Variants in GRIK4 observed in about 807,000 individuals in gnomAD.
GRIK4 encodes the protein glutamate receptor ionotropic, kainate 4.
In GRIK4, 40 loss-of-function variants were observed where a neutral mutation model predicts 104.9. That is an observed-to-expected ratio of 0.38 (90% CI 0.30 to 0.50). The LOEUF is 0.50. Among genes scored for constraint, GRIK4 ranks in the 20% least tolerant of loss-of-function variants. GRIK4 has a pLI of 0.93. For synonymous variants in GRIK4, 485 were observed against 524.9 expected (o/e 0.92, Z 1.04); for missense variants, 1,047 against 1,308.1 (o/e 0.80, Z 3.08).
chr11:120,674,115 G>A (rs1485420040), intron 3 of GRIK4, among the ~76,000 whole-genome samples: 1 of 152,150 alleles, frequency 6.6e-6, no homozygotes, highest in African/African-American at 2.4e-5. Context: ...TGCACCATTA[G>A]TGCCTTTGAT....
intron 1 of GRIK4, among the ~76,000 whole-genome samples, chr11:120,652,039 A>G (rs1178862401): frequency 1.3e-5 from 2 of 152,162 alleles, no homozygotes; most frequent in African/African-American, 4.8e-5. Context: ...TTCCCCGCTG[A>G]GTGACCTTGG....
intron 14 of GRIK4, among the ~76,000 whole-genome samples, chr11:120,941,316 C>A (rs10892648): frequency 0.22 from 34,189 of 152,012 alleles, 4,168 homozygotes; most frequent in East Asian, 0.36. Flanking sequence ...GCCTGTACCT[C>A]GAGGCTGCCC....
intron 3 of GRIK4, among the ~76,000 whole-genome samples, chr11:120,728,233 ATATGT>A (rs1272168360): frequency 6.6e-6 from 1 of 152,190 alleles, no homozygotes; most frequent in African/African-American, 2.4e-5. Flanking sequence ...TTCTACAGTC[ATATGT>A]TATGAGAGAA....
At chr11:120,603,615 C>T (rs1948916187) in intron 1 of GRIK4, among the ~76,000 whole-genome samples, 1 of 152,150 alleles carries the variant, frequency 6.6e-6, no homozygotes, top group Non-Finnish European at 1.5e-5. Context: ...GGAAGATGTC[C>T]CTGACCCCAT....
intron 1 of GRIK4, among the ~76,000 whole-genome samples, chr11:120,629,417 T>C (rs1949304634): frequency 6.6e-6 from 1 of 152,114 alleles, no homozygotes; most frequent in Admixed American, 6.5e-5. Context: ...TACACGCATA[T>C]TCAGAACACA....
chr11:120,609,193 C>T (rs1949000795), intron 1 of GRIK4, among the ~76,000 whole-genome samples: 1 of 151,966 alleles, frequency 6.6e-6, no homozygotes, highest in South Asian at 2.1e-4. Flanking sequence ...TCTCTCTTTC[C>T]CCCAGCCCCT....
intron 9 of GRIK4, among the ~76,000 whole-genome samples, chr11:120,866,731 G>C (rs1177468769): frequency 1.3e-5 from 2 of 152,174 alleles, no homozygotes; most frequent in South Asian, 2.1e-4. Context: ...GACTGCAGCT[G>C]GTCCTTGTGC....
At chr11:120,706,434 G>A (rs1222296679) in intron 3 of GRIK4, among the ~76,000 whole-genome samples, 4 of 152,202 alleles carry the variant, frequency 2.6e-5, no homozygotes, top group Non-Finnish European at 5.9e-5. Context: ...TGCACGTGTG[G>A]ATGTGGCATG....
chr11:120,536,746 G>A (rs941293052), intron 1 of GRIK4, among the ~76,000 whole-genome samples: 3 of 152,222 alleles, frequency 2.0e-5, no homozygotes, highest in African/African-American at 7.2e-5. Flanking sequence ...TGAGTGGGGA[G>A]TGATCAATAG....
chr11:120,983,529 C>T (rs560731783), intron 20 of GRIK4, among the ~76,000 whole-genome samples: 3 of 152,332 alleles, frequency 2.0e-5, no homozygotes, highest in African/African-American at 7.2e-5. Flanking sequence ...TCCCTCTTCC[C>T]TTGCCTTGCG....
intron 8 of GRIK4, among the ~76,000 whole-genome samples, chr11:120,840,809 G>A (rs547278399): frequency 2.0e-5 from 3 of 152,074 alleles, no homozygotes; most frequent in African/African-American, 7.2e-5. Flanking sequence ...TCTTAGTGTT[G>A]TACAACCATC....
In GRIK4 at chr11:120,953,988, C is replaced by A. The variant is rs1944072630; in HGVS notation, c.1700+1024C>A. Among the ~76,000 whole-genome samples the A allele has an allele frequency of 6.6e-6, 1 of 152,152 alleles. No homozygotes were observed. ...TCAGTTGTTACCTTTGCCTCTAGGC[C>A]ACAGTGGGAGGGCAGACAGTGTTAG... On this transcript the variant is annotated intron_variant, in intron 15 of 20. Transcript: ENST00000527524. This position sits in a 1 kb window ranked among gnomAD's most constrained non-coding sequence, Gnocchi z 4.9.
Position 120,922,749 on chromosome 11 carries a change from A to G in GRIK4, c.1476+17256A>G, listed in dbSNP as rs140711209. Among the ~76,000 whole-genome samples the G allele has an allele frequency of 8.6e-4, 131 of 152,318 alleles. 1 individual carries two copies. The highest frequency in any genetic ancestry group is 2.9e-3 in the African/African-American group (122 of 41,570). On this transcript the variant is annotated intron_variant, in intron 13 of 20. Coordinates refer to ENST00000527524, the MANE Select transcript of GRIK4 (RefSeq NM_014619.5). ...TAGTTGTGCCGATGGCGGTGTCGGC[A>G]GCTACAGAGGCAGCCATCTGAGAGT...
rs758395240 is a variant in GRIK4 at position 120,831,904 on chromosome 11, G to A, written c.564G>A (p.Thr188=). 4 of 1,613,670 alleles carry A rather than the reference G, an allele frequency of 2.5e-6. No individual in the cohort carries two copies. Among genetic ancestry groups the A allele is most frequent in the South Asian group, 2.2e-5 (2 of 91,044 alleles). ...GGCAATTCCTTATCTCCAAGGACAC[G>A]CTGTCCGTCCGCATGCTGGATGACA... ...LLRQFLISKD[T]LSVRMLDDTR... is the part of the protein sequence containing the mutation. Residue 188 remains threonine, a synonymous_variant, in exon 7 of 21, where the codon ACG becomes ACA. Coordinates refer to ENST00000527524, the MANE Select transcript of GRIK4 (RefSeq NM_014619.5).
At chr11:120,532,318 G>T (rs954854690) in intron 1 of GRIK4, among the ~76,000 whole-genome samples, 4 of 152,076 alleles carry the variant, frequency 2.6e-5, no homozygotes, top group Non-Finnish European at 5.9e-5. Context: ...CTTTGATCCG[G>T]CTGCCCTTGT....
chr11:120,605,419 C>T (rs1467125296), intron 1 of GRIK4, among the ~76,000 whole-genome samples: 1 of 152,200 alleles, frequency 6.6e-6, no homozygotes, highest in African/African-American at 2.4e-5. Context: ...TCATTTTCCT[C>T]ATCAGTTAAA....
intron 1 of GRIK4, among the ~76,000 whole-genome samples, chr11:120,539,011 A>G (rs1457572297): frequency 1.3e-5 from 2 of 152,220 alleles, no homozygotes; most frequent in Non-Finnish European, 2.9e-5. Context: ...CTGCCCCCAA[A>G]GCTTCTTGGG....
chr11:120,893,876 A>T (rs967384337), intron 11 of GRIK4, among the ~76,000 whole-genome samples: 5 of 152,124 alleles, frequency 3.3e-5, no homozygotes, highest in African/African-American at 1.2e-4. Context: ...TCTGCACCCT[A>T]ACCTTTCTCT....
At chr11:120,867,771 T>G (rs1954464451) in intron 9 of GRIK4, among the ~76,000 whole-genome samples, 1 of 151,784 alleles carries the variant, frequency 6.6e-6, no homozygotes, top group Non-Finnish European at 1.5e-5. Flanking sequence ...TGCTTCTACC[T>G]GAGACAATGC....
Sources: allele counts gnomAD v4.1 joint callset (sites outside exome capture counted in the v4.1 genomes callset), GRCh38; gene constraint gnomAD v4.1.1; non-coding constraint Gnocchi (gnomAD v3.1); transcripts MANE v1.5; gene names NCBI Gene and HGNC (gene_info 2026-07-23, HGNC 2026-07-21).